DNAH17: variants seen among roughly 807,000 people sequenced by gnomAD.
DNAH17 encodes the protein axonemal beta dynein heavy chain 17.
A neutral mutation model predicts 485.6 loss-of-function variants in DNAH17; 376 were observed. The ratio of observed to expected loss-of-function variants is 0.77; its 90% confidence interval spans 0.71 to 0.84. DNAH17 has a LOEUF of 0.84. Ranked by LOEUF, DNAH17 falls within the 40% of genes least tolerant of loss-of-function variation. DNAH17 has a pLI of 0.00. For missense variants in DNAH17, 6,370 were observed against 5,839.3 expected, an observed-to-expected ratio of 1.09 and a Z score of -2.96; for synonymous variants, 3,031 against 2,405.9, an observed-to-expected ratio of 1.26 and a Z score of -7.60.
intron 16 of DNAH17, among the ~76,000 whole-genome samples, chr17:78,544,361 G>A (rs950507790): frequency 1.3e-5 from 2 of 152,150 alleles, no homozygotes; most frequent in African/African-American, 4.8e-5. Flanking sequence ...GGTCAATACT[G>A]GGTGGATCGT....
intron 13 of DNAH17, among the ~76,000 whole-genome samples, chr17:78,560,468 CAA>C (rs1369511252): frequency 6.9e-6 from 1 of 144,676 alleles, no homozygotes; most frequent in Non-Finnish European, 1.5e-5. Flanking sequence ...CTAGATTCGG[CAA>C]AGACTTTTTC....
intron 19 of DNAH17, among the ~76,000 whole-genome samples, chr17:78,535,081 G>C (rs535461972): frequency 8.5e-4 from 129 of 152,278 alleles, no homozygotes; most frequent in African/African-American, 3.0e-3. Context: ...TTCAGCTCTG[G>C]AATGTTCTGC....
chr17:78,546,200 A>G (rs187539381), intron 16 of DNAH17, among the ~76,000 whole-genome samples: 2 of 152,334 alleles, frequency 1.3e-5, no homozygotes, highest in East Asian at 3.9e-4. Flanking sequence ...TGTTTGGACT[A>G]CAGGCATGAG....
At chr17:78,428,924 TAAAAA>T (rs11409298) in intron 76 of DNAH17, among the ~76,000 whole-genome samples, 192 bp downstream of exon 76, 3 of 103,318 alleles carry the variant, frequency 2.9e-5, no homozygotes, top group South Asian at 3.5e-4. Context: ...TTTCTTTCTT[TAAAAA>T]AAAAAAAAAA....
At chr17:78,540,673 G>T (rs1333656945) in intron 17 of DNAH17, among the ~76,000 whole-genome samples, 1 of 89,720 alleles carries the variant, frequency 1.1e-5, no homozygotes, top group Admixed American at 1.4e-4. Context: ...TGTATGAGTA[G>T]ATGGACAGAT....
intron 55 of DNAH17, among the ~76,000 whole-genome samples, chr17:78,467,877 G>T (rs546273167): frequency 3.3e-5 from 5 of 152,242 alleles, no homozygotes; most frequent in Admixed American, 2.6e-4. Flanking sequence ...ATTTAGCCAG[G>T]TGTGGTGGTG....
At chr17:78,558,020 C>T in intron 14 of DNAH17, 88 bp downstream of exon 14, 2 of 1,438,296 alleles carry the variant, frequency 1.4e-6, no homozygotes, top group East Asian at 2.4e-5. Context: ...CCAGGAAGAG[C>T]CACATCTCTG....
At position 78,450,680 on chromosome 17, in the gene DNAH17, A is replaced by C. The variant is rs753964008; in HGVS notation, c.10899+2T>G. The C allele has an allele frequency of 3.7e-6, 6 of 1,611,366 alleles. No individual in the cohort carries two copies. The East Asian group carries it at 1.3e-4, about 36-fold the overall frequency. ...AGGGCACGTCACCGAGGCAGCTCTG[A>C]CCTTCTCCTCGATCTCGCTGGCTGT... On this transcript the variant is annotated splice_donor_variant, in intron 67 of 80. Coordinates refer to ENST00000389840, the MANE Select transcript of DNAH17 (RefSeq NM_173628.4). LOFTEE classifies it high-confidence loss of function.
At chr17:78,490,996 C>A in intron 43 of DNAH17, 149 bp from the exon 44 acceptor site, 1 of 1,036,016 alleles carries the variant, frequency 9.7e-7, no homozygotes, top group East Asian at 2.6e-5. Flanking sequence ...GCCCTAGTCC[C>A]TTGGCCCAGG....
rs546496865 is a variant in DNAH17, at chr17:78,561,014, C to T, written c.1836-79G>A. 2.8e-5 allele frequency: 39 copies of T among 1,397,248 alleles called. No individual in the cohort carries two copies. In the South Asian group the frequency reaches 2.9e-4, roughly 10 times the overall value. The allele number at this position is 1,397,248 out of a possible 1,614,324, so 86.6% of individuals were successfully genotyped here. A position where few individuals can be genotyped will look rare whatever the true frequency, so the allele number is the denominator to read the frequency against. On this transcript the variant is annotated intron_variant, in intron 12 of 80. Coordinates refer to ENST00000389840, the MANE Select transcript of DNAH17 (RefSeq NM_173628.4). ...TTCGGCACGTCCCATCGTTGCTGCC[C>T]GATCTGGGGTGCCGAAGCGGCCGGC...
Position 78,451,544 on chromosome 17 carries a change from G to C in DNAH17, c.10659C>G (p.Val3553=). The C allele has an allele frequency of 4.3e-6, 7 of 1,613,874 alleles. No homozygotes were observed. The highest frequency in any genetic ancestry group is 5.9e-6 in the Non-Finnish European group (7 of 1,179,818). ...GTTGGTCCTCGAGTCCATCCCTGGT[G>C]ACCAGGAAGTTGATGAGGGTGCACT... ...QAQCTLINFL[V]TRDGLEDQLL... The change falls in exon 66 of 81, where the codon GTC becomes GTG. Residue 3553 remains valine, a synonymous_variant. Transcript: ENST00000389840.
chr17:78,575,366 G>C (rs1378629818), intron 1 of DNAH17, among the ~76,000 whole-genome samples: 1 of 152,236 alleles, frequency 6.6e-6, no homozygotes, highest in African/African-American at 2.4e-5. Flanking sequence ...GGGAAAGATA[G>C]AGATGAATGC....
intron 75 of DNAH17, among the ~76,000 whole-genome samples, chr17:78,432,773 A>G (rs1227895921): frequency 6.6e-6 from 1 of 152,084 alleles, no homozygotes; most frequent in Non-Finnish European, 1.5e-5. Flanking sequence ...TGAGACTGGC[A>G]TTGCCAGGCC....
chr17:78,535,362 C>T (rs1050005175), intron 19 of DNAH17, among the ~76,000 whole-genome samples: 2 of 152,220 alleles, frequency 1.3e-5, no homozygotes, highest in African/African-American at 4.8e-5. Flanking sequence ...ATGGAAACCT[C>T]CTCCCACCCT....
chr17:78,519,630 A>G (rs1296438511), intron 25 of DNAH17, among the ~76,000 whole-genome samples: 1 of 152,266 alleles, frequency 6.6e-6, no homozygotes, highest in Non-Finnish European at 1.5e-5. Context: ...AGCCATCTAG[A>G]GGATAGTATG....
chr17:78,444,583 C>T, intron 71 of DNAH17, 21 bp downstream of exon 71: 2 of 1,533,590 alleles, frequency 1.3e-6, no homozygotes, highest in South Asian at 1.2e-5. Context: ...GGCGGGGCCC[C>T]CGGCGCGGCG....
At chr17:78,554,305 T>C (rs1197122721) in intron 14 of DNAH17, among the ~76,000 whole-genome samples, 1 of 151,402 alleles carries the variant, frequency 6.6e-6, no homozygotes, top group Non-Finnish European at 1.5e-5. Flanking sequence ...CCCGGTGTGG[T>C]GGTGTGCACC....
Position 78,567,068 on chromosome 17 carries a change from A to G in DNAH17, c.1383T>C (p.Tyr461=), listed in dbSNP as rs187905524. Residue 461 remains tyrosine, a synonymous_variant, in exon 10 of 81, where the codon TAT becomes TAC. Coordinates refer to ENST00000389840, the MANE Select transcript of DNAH17 (RefSeq NM_173628.4). ...CCTTCACCAGCTCAAAGACCTCATC[A>G]TAGATACGGGTCACCAGGCTCCCGA... The part of the protein sequence containing the change: ...NLLGSLVTRI[Y]DEVFELVKVF... 1.2e-4 allele frequency: 199 copies of G among 1,613,692 alleles called. No individual in the cohort carries two copies. The East Asian group carries it at 4.1e-3, about 33-fold the overall frequency.
chr17:78,457,070 G>C (rs534390717), intron 62 of DNAH17, among the ~76,000 whole-genome samples: 1 of 152,332 alleles, frequency 6.6e-6, no homozygotes, highest in African/African-American at 2.4e-5. Context: ...GATGTGCTCT[G>C]TGTTAAAAGG....
Sources: allele counts gnomAD v4.1 joint callset (sites outside exome capture counted in the v4.1 genomes callset), GRCh38; gene constraint gnomAD v4.1.1; transcripts MANE v1.5; gene names NCBI Gene and HGNC (gene_info 2026-07-23, HGNC 2026-07-21).